PKD2: variants seen among roughly 807,000 people sequenced by gnomAD.
PKD2 encodes the protein polycystin-2.
In PKD2, 48 loss-of-function variants were observed where a neutral mutation model predicts 105.9. The ratio of observed to expected loss-of-function variants is 0.45; its 90% CI spans 0.36 to 0.58. The LOEUF (loss-of-function observed/expected upper bound fraction) is 0.58, where lower values mean the gene tolerates loss of function less well. Ranked by LOEUF, PKD2 falls within the 20% of genes least tolerant of loss-of-function variation. The pLI is 0.00. For missense variants in PKD2, 1,078 were observed against 1,255.3 expected, an observed-to-expected ratio of 0.86 and a Z score of 2.13; for synonymous variants, 464 against 481.1, an observed-to-expected ratio of 0.96 and a Z score of 0.46.
At chr4:88,019,353 C>A in intron 1 of PKD2, 105 bp from the exon 2 acceptor site, 1 of 687,912 alleles carries the variant, frequency 1.5e-6, no homozygotes, top group Non-Finnish European at 2.6e-6. Flanking sequence ...GGAGAATCTC[C>A]CTTATAGGTG....
chr4:88,037,452 T>C (rs1727378142), intron 3 of PKD2, among the ~76,000 whole-genome samples: 1 of 152,224 alleles, frequency 6.6e-6, no homozygotes, highest in African/African-American at 2.4e-5. Flanking sequence ...AGGAAATTAT[T>C]ATTTCTCCTT....
intron 2 of PKD2, among the ~76,000 whole-genome samples, chr4:88,032,876 G>A (rs563454450): frequency 1.3e-5 from 2 of 152,322 alleles, no homozygotes; most frequent in African/African-American, 4.8e-5. Context: ...ATCAGGCTTA[G>A]AGGAGTTAAA....
chr4:88,019,154 C>T (rs531339938), intron 1 of PKD2, among the ~76,000 whole-genome samples: 1 of 152,216 alleles, frequency 6.6e-6, no homozygotes, highest in South Asian at 2.1e-4. Flanking sequence ...TTCCTTATTT[C>T]CTGTTCTCTT....
chr4:88,007,972 C>T lies in PKD2; in HGVS notation c.239C>T (p.Ser80Leu), dbSNP rs568249293. 5.3e-6 allele frequency: 8 copies of T among 1,503,490 alleles called. No homozygotes were observed. Among genetic ancestry groups the T allele is most frequent in the Non-Finnish European group, 4.4e-6 (5 of 1,130,112 alleles). 93.1% of individuals were successfully genotyped at this position (1,503,490 alleles called of 1,614,324 possible). A position where few individuals can be genotyped will look rare whatever the true frequency, so the allele number is the denominator to read the frequency against. The change falls in exon 1 of 15, where the codon TCG (serine) becomes TTG (leucine). Residue 80 changes from serine (S) to leucine (L), a missense_variant. Around this residue, in one of 2 missense-constraint regions of PKD2, gnomAD observed 210 missense variants for 187.9 expected, o/e 1.12. Transcript: ENST00000237596. Reference protein sequence around the residue: ...GAAASPSPPLSSCSRQAWSRD... With the variant: ...GAAASPSPPLLSCSRQAWSRD... Reference sequence around the variant, plus strand: ...GCGGCCTCCCCTTCTCCTCCGCTCTCGTCGTGCTCCCGGCAGGCGTGGAGC... The same window carrying T: ...GCGGCCTCCCCTTCTCCTCCGCTCTTGTCGTGCTCCCGGCAGGCGTGGAGC...
At chr4:88,036,779 ATATT>A (rs1727349341) in intron 3 of PKD2, among the ~76,000 whole-genome samples, 1 of 152,170 alleles carries the variant, frequency 6.6e-6, no homozygotes, top group Non-Finnish European at 1.5e-5. Context: ...GATTCAATAA[ATATT>A]TATTGAGAAT....
At chr4:88,071,081 G>A (rs532422098) in intron 13 of PKD2, among the ~76,000 whole-genome samples, 11 of 151,204 alleles carry the variant, frequency 7.3e-5, no homozygotes, top group African/African-American at 2.7e-4. Context: ...TAAGAGATAG[G>A]GTCTCTCTCT....
At chr4:88,047,742 A>G (rs1560614837) in intron 6 of PKD2, among the ~76,000 whole-genome samples, 1 of 152,134 alleles carries the variant, frequency 6.6e-6, no homozygotes, top group Non-Finnish European at 1.5e-5. Flanking sequence ...TCATACCTAT[A>G]ATCCCTGCAC....
intron 2 of PKD2, among the ~76,000 whole-genome samples, chr4:88,032,493 T>C (rs1727199261): frequency 6.6e-6 from 1 of 152,192 alleles, no homozygotes; most frequent in African/African-American, 2.4e-5. Context: ...TATTTTGTTC[T>C]AGTTTATTTT....
chr4:88,041,174 C>T (rs1727551493), intron 4 of PKD2, among the ~76,000 whole-genome samples: 1 of 152,126 alleles, frequency 6.6e-6, no homozygotes, highest in African/African-American at 2.4e-5. Flanking sequence ...TTCCTATTGC[C>T]CTGAAAGAGA....
chr4:88,009,082 A>C (rs957289936), intron 1 of PKD2, among the ~76,000 whole-genome samples: 1 of 152,238 alleles, frequency 6.6e-6, no homozygotes, highest in Non-Finnish European at 1.5e-5. Flanking sequence ...TGAAGTCACC[A>C]GATAGCAGCT....
At chr4:88,046,597 T>G in intron 5 of PKD2, 45 bp from the exon 6 acceptor site, 1 of 1,104,320 alleles carries the variant, frequency 9.1e-7, no homozygotes, top group Non-Finnish European at 1.4e-6. Context: ...GCTGTATTCA[T>G]GTGTTGTTGT....
Position 88,007,658 on chromosome 4 carries a change from A to T in PKD2, c.-76A>T. 1 of 986,412 alleles carries T rather than the reference A, an allele frequency of 1.0e-6. No individual in the cohort carries two copies. The highest frequency in any genetic ancestry group is 1.2e-6 in the Non-Finnish European group (1 of 811,178). The allele number at this position is 986,412 out of a possible 1,614,324, so 61.1% of individuals were successfully genotyped here. On this transcript the variant is annotated 5_prime_UTR_variant, in exon 1 of 15. Coordinates refer to ENST00000237596, the MANE Select transcript of PKD2 (RefSeq NM_000297.4). Reference sequence around the variant, plus strand: ...GCAGGCGGCGGCGGGCGCCGGGAAGAAAGGAACATGGCTCCTGAGGCGCAC... The same window carrying T: ...GCAGGCGGCGGCGGGCGCCGGGAAGTAAGGAACATGGCTCCTGAGGCGCAC...
chr4:88,007,636 G>A lies in PKD2; in HGVS notation c.-98G>A. On this transcript the variant is annotated 5_prime_UTR_variant, in exon 1 of 15. Coordinates refer to ENST00000237596, the MANE Select transcript of PKD2 (RefSeq NM_000297.4). Reference sequence around the variant, plus strand: ...GCGGGGAGGTCGGGGGCGGGGAGCAGGCGGCGGCGGGCGCCGGGAAGAAAG... The same window carrying A: ...GCGGGGAGGTCGGGGGCGGGGAGCAAGCGGCGGCGGGCGCCGGGAAGAAAG... The A allele has an allele frequency of 1.3e-6, 1 of 757,266 alleles. No homozygotes were observed. The highest frequency in any genetic ancestry group is 1.6e-6 in the Non-Finnish European group (1 of 607,416). 46.9% of individuals were successfully genotyped at this position (757,266 alleles called of 1,614,324 possible).
rs1578154742 is a variant in PKD2, at chr4:88,076,132, G to C, written c.*438G>C. The stretch of plus-strand genomic sequence containing the variant: ...TCCTTTCCACTCTGGCATAGTTCAT[G>C]AGCTTAATACATAGCTTTCTTTTAA... On this transcript the variant is annotated 3_prime_UTR_variant, in exon 15 of 15. Coordinates refer to ENST00000237596, the MANE Select transcript of PKD2 (RefSeq NM_000297.4). The C allele has an allele frequency of 1.1e-5, 2 of 189,688 alleles. No homozygotes were observed. Among genetic ancestry groups the C allele is most frequent in the East Asian group, 1.4e-4 (1 of 7,086 alleles). 11.8% of individuals were successfully genotyped at this position (189,688 alleles called of 1,614,324 possible).
chr4:88,040,877 C>T (rs1727536218), intron 4 of PKD2, among the ~76,000 whole-genome samples: 1 of 152,158 alleles, frequency 6.6e-6, no homozygotes, highest in Non-Finnish European at 1.5e-5. Context: ...CAGATGGCTT[C>T]CACTGACATC....
At chr4:88,051,248 C>T (rs1458341488) in intron 6 of PKD2, among the ~76,000 whole-genome samples, 1 of 152,166 alleles carries the variant, frequency 6.6e-6, no homozygotes, top group Non-Finnish European at 1.5e-5. Flanking sequence ...CTTCTTGAGC[C>T]CTCTGTATTC....
chr4:88,074,404 C>G (rs572952369), intron 13 of PKD2, among the ~76,000 whole-genome samples: 1 of 152,272 alleles, frequency 6.6e-6, no homozygotes, highest in Non-Finnish European at 1.5e-5. Flanking sequence ...TCCCAAAATG[C>G]CAGGATTACA....
chr4:88,070,593 TATATATATAGAGAGAGAG>T (rs1433377122), intron 13 of PKD2, among the ~76,000 whole-genome samples: 1 of 108,480 alleles, frequency 9.2e-6, no homozygotes, highest in African/African-American at 3.6e-5. Context: ...TATATATATA[TATATATATAGAGAGAGAG>T]AGAGAGAGAG....
rs376876208 is a variant in PKD2, at chr4:88,025,482, C to T, written c.709+5911C>T. Among the ~76,000 whole-genome samples, 33 of 151,600 alleles carry T rather than the reference C, an allele frequency of 2.2e-4. No individual in the cohort carries two copies. In the South Asian group the frequency reaches 6.7e-3, roughly 31 times the overall value. ...AATAAAAATTAGCCAGGCATGGTGG[C>T]ACATGCCTGTAGTCCCAGCTACTCA... On this transcript the variant is annotated intron_variant, in intron 2 of 14. Transcript: ENST00000237596.
Sources: allele counts gnomAD v4.1 joint callset (sites outside exome capture counted in the v4.1 genomes callset), GRCh38; gene constraint gnomAD v4.1.1; regional missense constraint gnomAD v4.1.1; transcripts MANE v1.5; gene names NCBI Gene and HGNC (gene_info 2026-07-23, HGNC 2026-07-21).